Variants in EYA1 observed in about 807,000 individuals in gnomAD.
EYA1 encodes the protein protein phosphatase EYA1.
A neutral mutation model predicts 82.0 loss-of-function variants in EYA1; 16 were observed. The observed-to-expected ratio is 0.20, with a 90% CI of 0.13 to 0.30. The LOEUF is 0.30. EYA1 is among the 10% of genes least tolerant of loss of function. The pLI is 1.00. For synonymous variants in EYA1, 261 were observed against 264.4 expected (o/e 0.99, Z 0.12); for missense variants, 633 against 730.7 (o/e 0.87, Z 1.54).
intron 7 of EYA1, among the ~76,000 whole-genome samples, chr8:71,311,645 G>A (rs912210446): frequency 2.0e-5 from 3 of 152,156 alleles, no homozygotes; most frequent in African/African-American, 7.2e-5. Context: ...AAATGAATAA[G>A]CAAAGATTTC....
chr8:71,421,210 G>T (rs1831129800), intron 2 of EYA1, among the ~76,000 whole-genome samples: 8 of 152,096 alleles, frequency 5.3e-5, no homozygotes. Flanking sequence ...CAATTCCAGG[G>T]GTGATCAATC....
upstream of EYA1, among the ~76,000 whole-genome samples, chr8:71,367,011 G>A (rs555227089): frequency 4.2e-4 from 64 of 152,222 alleles, no homozygotes; most frequent in African/African-American, 1.5e-3. Context: ...CATATTGCAA[G>A]TTACTTTAAG....
intron 11 of EYA1, among the ~76,000 whole-genome samples, chr8:71,250,892 T>C (rs1016498917): frequency 5.9e-5 from 9 of 152,058 alleles, no homozygotes; most frequent in African/African-American, 2.2e-4. Context: ...AAGAAGAAAA[T>C]ACTAAATTTT....
chr8:71,203,145 G>T (rs1016467626), intron 17 of EYA1, among the ~76,000 whole-genome samples: 3 of 152,128 alleles, frequency 2.0e-5, no homozygotes, highest in Admixed American at 6.5e-5. Flanking sequence ...TTTGACATTA[G>T]CTATGTGACC....
At chr8:71,232,784 C>T (rs575886551) in intron 12 of EYA1, among the ~76,000 whole-genome samples, 2 of 152,198 alleles carry the variant, frequency 1.3e-5, no homozygotes, top group East Asian at 3.9e-4. Flanking sequence ...TCCCTCGTCC[C>T]TCCTTAAGTC....
chr8:71,408,066 T>C (rs1233333687), intron 2 of EYA1, among the ~76,000 whole-genome samples: 3 of 151,982 alleles, frequency 2.0e-5, no homozygotes, highest in Non-Finnish European at 4.4e-5. Flanking sequence ...GGGGCCAATA[T>C]TCAACATGCT....
At chr8:71,463,604 TCTCTCTCTCTCTCTCTCTCTCTCTC>T (rs1460892082) in intron 2 of EYA1, among the ~76,000 whole-genome samples, 1 of 134,676 alleles carries the variant, frequency 7.4e-6, no homozygotes, top group African/African-American at 3.0e-5. Flanking sequence ...TCTCTCTCTC[TCTCTCTCTCTCTCTCTCTCTCTCTC>T]TCTCCCTCCC....
chr8:71,242,962 A>C, intron 12 of EYA1, among the ~76,000 whole-genome samples: 1 of 129,596 alleles, frequency 7.7e-6, no homozygotes. Flanking sequence ...TTTTTAATAG[A>C]GACGGGGGTT....
At chr8:71,291,765 T>C (rs1819022402) in intron 9 of EYA1, among the ~76,000 whole-genome samples, 1 of 152,162 alleles carries the variant, frequency 6.6e-6, no homozygotes, top group Non-Finnish European at 1.5e-5. Flanking sequence ...TTATTGAGCA[T>C]TTAAGAGTGA....
At chr8:71,426,257 A>G (rs939716623) in intron 2 of EYA1, among the ~76,000 whole-genome samples, 1 of 152,222 alleles carries the variant, frequency 6.6e-6, no homozygotes, top group Non-Finnish European at 1.5e-5. Context: ...TCTCACATGG[A>G]GACATTAACA....
In EYA1 at chr8:71,354,971, C is replaced by T. The variant is rs764736461; in HGVS notation, c.-4-62G>A. On this transcript the variant is annotated intron_variant, in intron 2 of 17. Transcript: ENST00000340726. ...AAATTCATAACACCACCATTTAATG[C>T]GCTAATGACTTGACACCTTTGAAAC... 1.7e-4 allele frequency: 268 copies of T among 1,532,290 alleles called. No individual in the cohort carries two copies. The African/African-American group carries it at 2.2e-3, about 13-fold the overall frequency. The allele number at this position is 1,532,290 out of a possible 1,614,324, so 94.9% of individuals were successfully genotyped here.
intron 17 of EYA1, among the ~76,000 whole-genome samples, chr8:71,203,273 A>G (rs1315775075): frequency 6.6e-6 from 1 of 152,136 alleles, no homozygotes; most frequent in Non-Finnish European, 1.5e-5. Context: ...TATCAAAACA[A>G]AGTCTGTTAC....
intron 2 of EYA1, among the ~76,000 whole-genome samples, chr8:71,473,036 C>T (rs866918841): frequency 2.6e-5 from 4 of 151,606 alleles, no homozygotes; most frequent in Middle Eastern, 6.3e-3. Flanking sequence ...AAAAATGAGT[C>T]CAAATAATGT....
chr8:71,315,008 G>C (rs896893708), intron 7 of EYA1, among the ~76,000 whole-genome samples: 1 of 151,662 alleles, frequency 6.6e-6, no homozygotes, highest in Non-Finnish European at 1.5e-5. Context: ...GCACTATACT[G>C]TAATGGCTGG....
chr8:71,368,226 G>C (rs925656331), intron 2 of EYA1, among the ~76,000 whole-genome samples: 2 of 128,726 alleles, frequency 1.6e-5, no homozygotes, highest in African/African-American at 2.9e-5. Flanking sequence ...AGAGTTACAG[G>C]CTGGTGGCTT....
At chr8:71,224,330 C>A (rs1225335945) in intron 12 of EYA1, among the ~76,000 whole-genome samples, 1 of 152,142 alleles carries the variant, frequency 6.6e-6, no homozygotes, top group East Asian at 1.9e-4. Flanking sequence ...CTTCCTTTTA[C>A]AAAACAAAAA....
chr8:71,458,193 C>A (rs1264209129), intron 2 of EYA1, among the ~76,000 whole-genome samples: 1 of 151,986 alleles, frequency 6.6e-6, no homozygotes, highest in Non-Finnish European at 1.5e-5. Context: ...CATGGAGTCA[C>A]CGAAGAACTT....
intron 11 of EYA1, among the ~76,000 whole-genome samples, 187 bp downstream of exon 11, chr8:71,269,553 C>A (rs1816262549): frequency 6.6e-6 from 1 of 152,064 alleles, no homozygotes; most frequent in Non-Finnish European, 1.5e-5. Context: ...TGCCAAAGAC[C>A]TAAAAATAAT....
chr8:71,443,373 C>T (rs965079779), intron 2 of EYA1, among the ~76,000 whole-genome samples: 1 of 152,170 alleles, frequency 6.6e-6, no homozygotes, highest in Non-Finnish European at 1.5e-5. Flanking sequence ...CTCACTGCAA[C>T]CTCTGCCTCC....
Sources: gnomAD v4.1 joint callset for allele counts (sites outside exome capture counted in the v4.1 genomes callset) on GRCh38, gnomAD v4.1.1 for gene constraint, MANE v1.5 for transcripts, NCBI Gene and HGNC (gene_info 2026-07-23, HGNC 2026-07-21) for gene names.